KHDRBS2: variants seen among roughly 807,000 people sequenced by gnomAD.
KHDRBS2 encodes the protein KH domain-containing, RNA-binding, signal transduction-associated protein 2.
KHDRBS2 carries 26 observed loss-of-function variants against 44.3 expected under a neutral mutation model. The ratio of observed to expected loss-of-function variants is 0.59; its 90% CI spans 0.43 to 0.81. The LOEUF is 0.81. KHDRBS2 is among the 40% of genes least tolerant of loss of function. KHDRBS2 has a pLI of 0.00. For missense variants in KHDRBS2, 476 were observed against 433.1 expected (o/e 1.10, Z -0.88); for synonymous variants, 194 against 151.1 (o/e 1.28, Z -2.08).
intron 2 of KHDRBS2, among the ~76,000 whole-genome samples, chr6:62,104,549 T>C (rs1802695212): frequency 6.6e-6 from 1 of 152,134 alleles, no homozygotes; most frequent in African/African-American, 2.4e-5. Context: ...CTAAATAACA[T>C]ATGAGTAAAA....
chr6:61,884,460 A>G (rs1420039306), intron 6 of KHDRBS2, among the ~76,000 whole-genome samples: 3 of 152,116 alleles, frequency 2.0e-5, no homozygotes, highest in African/African-American at 7.2e-5. Context: ...TTAAAAATAA[A>G]TTAAACGTAT....
At chr6:62,011,724 T>C (rs1780328450) in intron 3 of KHDRBS2, among the ~76,000 whole-genome samples, 1 of 152,152 alleles carries the variant, frequency 6.6e-6, no homozygotes, top group South Asian at 2.1e-4. Context: ...TTGTGACTAA[T>C]TTTGGTAACA....
At chr6:62,044,897 C>T (rs1787343267) in intron 3 of KHDRBS2, among the ~76,000 whole-genome samples, 1 of 151,958 alleles carries the variant, frequency 6.6e-6, no homozygotes, top group South Asian at 2.1e-4. Context: ...ACATACATAC[C>T]CATACATACT....
chr6:61,889,668 C>T (rs1173615077), intron 6 of KHDRBS2, among the ~76,000 whole-genome samples: 8 of 152,160 alleles, frequency 5.3e-5, no homozygotes, highest in Non-Finnish European at 1.2e-4. Context: ...CCTCCACCCG[C>T]ATGTTCTATT....
At chr6:62,117,922 C>T (rs1269139357) in intron 2 of KHDRBS2, among the ~76,000 whole-genome samples, 2 of 151,976 alleles carry the variant, frequency 1.3e-5, no homozygotes, top group African/African-American at 4.8e-5. Context: ...ATTACAGGTG[C>T]CCACCACTAC....
the KHDRBS2 span, among the ~76,000 whole-genome samples, chr6:61,665,991 A>T: frequency 2.0e-5 from 3 of 151,086 alleles, no homozygotes; most frequent in African/African-American, 7.2e-5. Flanking sequence ...GTTGCTTATG[A>T]TTTTATTAAG....
chr6:62,006,028 C>T (rs2127263929), intron 3 of KHDRBS2, among the ~76,000 whole-genome samples: 1 of 151,920 alleles, frequency 6.6e-6, no homozygotes, highest in Admixed American at 6.6e-5. Flanking sequence ...TCCATAGCAG[C>T]CTCCAATGTA....
chr6:62,108,348 C>G (rs1337320401), intron 2 of KHDRBS2, among the ~76,000 whole-genome samples: 1 of 152,176 alleles, frequency 6.6e-6, no homozygotes, highest in Non-Finnish European at 1.5e-5. Context: ...TGAAAAAATG[C>G]TCACCATCAC....
intron 6 of KHDRBS2, among the ~76,000 whole-genome samples, chr6:61,738,070 T>C (rs1329781721): frequency 6.6e-6 from 1 of 151,962 alleles, no homozygotes; most frequent in African/African-American, 2.4e-5. Flanking sequence ...AATGATACTT[T>C]TTCCGTTTTT....
chr6:61,774,557 GA>G (rs1781607481), intron 6 of KHDRBS2, among the ~76,000 whole-genome samples: 1 of 152,116 alleles, frequency 6.6e-6, no homozygotes, highest in South Asian at 2.1e-4. Context: ...TTGCTTCAAA[GA>G]GAATAAAATA....
intron 6 of KHDRBS2, among the ~76,000 whole-genome samples, chr6:61,893,632 A>G (rs1221826816): frequency 6.6e-6 from 1 of 152,186 alleles, no homozygotes; most frequent in African/African-American, 2.4e-5. Flanking sequence ...CATCATTCTC[A>G]GCAAACTATC....
chr6:62,071,046 T>C (rs1336116150), intron 2 of KHDRBS2, among the ~76,000 whole-genome samples: 3 of 152,214 alleles, frequency 2.0e-5, no homozygotes, highest in Non-Finnish European at 4.4e-5. Flanking sequence ...TGGTGTGAGA[T>C]GGTATCTCAT....
chr6:62,167,053 G>C (rs187465410), intron 2 of KHDRBS2, among the ~76,000 whole-genome samples: 1 of 152,012 alleles, frequency 6.6e-6, no homozygotes, highest in Non-Finnish European at 1.5e-5. Context: ...CATTTTAATG[G>C]TCCTTTTGAA....
At chr6:61,589,604 T>C in the KHDRBS2 span, among the ~76,000 whole-genome samples, 2 of 152,198 alleles carry the variant, frequency 1.3e-5, no homozygotes, top group African/African-American at 2.4e-5. Context: ...ATACCCCTTC[T>C]TACTATTTGG....
At chr6:61,696,105 T>C (rs1178238170) in intron 8 of KHDRBS2, among the ~76,000 whole-genome samples, 1 of 152,026 alleles carries the variant, frequency 6.6e-6, no homozygotes, top group East Asian at 1.9e-4. Context: ...TCTCAGCCTC[T>C]GGAGTAGCTA....
At chr6:62,240,670 GTGTATATA>G (rs1460111758) in intron 1 of KHDRBS2, among the ~76,000 whole-genome samples, 34 of 62,538 alleles carry the variant, frequency 5.4e-4, no homozygotes, top group African/African-American at 1.1e-3. Flanking sequence ...GTATGTGTGT[GTGTATATA>G]TATATATATA....
chr6:61,548,015 C>T, the KHDRBS2 span, among the ~76,000 whole-genome samples: 30 of 152,174 alleles, frequency 2.0e-4, no homozygotes, highest in African/African-American at 5.5e-4. Flanking sequence ...AAAAAATATG[C>T]ACCAACTCTG....
intron 3 of KHDRBS2, among the ~76,000 whole-genome samples, chr6:62,031,451 C>T (rs942514785): frequency 6.6e-6 from 1 of 151,974 alleles, no homozygotes; most frequent in Non-Finnish European, 1.5e-5. Context: ...TCCTGAGATC[C>T]CCAATTCCAG....
Position 61,698,434 on chromosome 6 carries a change from T to A in KHDRBS2, c.894-1181A>T, listed in dbSNP as rs563035847. 8.5e-5 allele frequency among the ~76,000 whole-genome samples: 13 copies of A among 152,250 alleles called. No individual in the cohort carries two copies. The East Asian group carries it at 2.5e-3, about 30-fold the overall frequency. Reference sequence around the variant, plus strand: ...AAAATATATCCAGAATCTGAACACGTCTAAACATATCCACAGCTATCACTG... The same window carrying A: ...AAAATATATCCAGAATCTGAACACGACTAAACATATCCACAGCTATCACTG... On this transcript the variant is annotated intron_variant, in intron 7 of 8. Transcript: ENST00000281156.
Sources: allele counts gnomAD v4.1 joint callset (sites outside exome capture counted in the v4.1 genomes callset), GRCh38; gene constraint gnomAD v4.1.1; transcripts MANE v1.5; gene names NCBI Gene and HGNC (gene_info 2026-07-23, HGNC 2026-07-21).